Variants in RSF1 observed in about 807,000 individuals in gnomAD.
RSF1 encodes HBV pX-associated protein 8.
In RSF1, 13 loss-of-function variants were observed where a neutral mutation model predicts 145.2. That is an observed-to-expected ratio of 0.09 (90% CI 0.06 to 0.14). RSF1 has a LOEUF of 0.14. RSF1 is among the 10% of genes least tolerant of loss of function. The probability of loss-of-function intolerance (pLI) is 1.00; values close to 1 mark genes in which losing one functional copy is unlikely to be tolerated. For synonymous variants in RSF1, 577 were observed against 592.6 expected, an observed-to-expected ratio of 0.97 and a Z score of 0.38; for missense variants, 1,517 against 1,718.2, an observed-to-expected ratio of 0.88 and a Z score of 2.07.
At chr11:77,691,352 T>A in intron 8 of RSF1, 114 bp from the exon 9 acceptor site, 1 of 774,382 alleles carries the variant, frequency 1.3e-6, no homozygotes, top group Non-Finnish European at 2.2e-6. Context: ...GACCACATAG[T>A]AAGTGAACAA....
intron 4 of RSF1, among the ~76,000 whole-genome samples, chr11:77,740,268 G>C (rs1033360987): frequency 5.3e-5 from 8 of 152,218 alleles, no homozygotes; most frequent in African/African-American, 1.7e-4. Flanking sequence ...CCAGCTACTT[G>C]GGAGGCTGAG....
Position 77,702,395 on chromosome 11 carries a change from T to G in RSF1, c.834A>C (p.Lys278Asn). 6 of 1,609,840 alleles carry G rather than the reference T, an allele frequency of 3.7e-6. No homozygotes were observed. Among genetic ancestry groups the G allele is most frequent in the Non-Finnish European group, 5.1e-6 (6 of 1,179,116 alleles). ...ANVLEETTVK[K>N]EKEDEKELVK... ...CAAGTTCCTTTTCATCTTCTTTTTC[T>G]TTTTTCACAGTAGTCTCTTCTAGAA... The change falls in exon 6 of 16, where the codon AAA becomes AAC. Residue 278 changes from lysine (K) to asparagine (N), a missense_variant. This residue lies in a region of RSF1 where 207 missense variants were observed against 191.4 expected (regional missense o/e 1.08). Transcript: ENST00000308488.
chr11:77,831,142 C>G, the RSF1 span, among the ~76,000 whole-genome samples: 2 of 152,076 alleles, frequency 1.3e-5, no homozygotes, highest in East Asian at 3.9e-4. Flanking sequence ...AAGACCCTGT[C>G]TCAGAAAAAA....
At chr11:77,790,221 G>A (rs1330660810) in intron 1 of RSF1, among the ~76,000 whole-genome samples, 1 of 152,174 alleles carries the variant, frequency 6.6e-6, no homozygotes, top group African/African-American at 2.4e-5. Flanking sequence ...CATGGTAGAA[G>A]GCAAGGAGGA....
intron 1 of RSF1, among the ~76,000 whole-genome samples, chr11:77,793,397 T>C (rs868857529): frequency 2.6e-5 from 4 of 152,136 alleles, no homozygotes; most frequent in South Asian, 2.1e-4. Flanking sequence ...AGGCAGAAGA[T>C]TGCTTAAGTC....
At chr11:77,768,354 G>T (rs1450911561) in intron 1 of RSF1, among the ~76,000 whole-genome samples, 1 of 151,864 alleles carries the variant, frequency 6.6e-6, no homozygotes, top group Non-Finnish European at 1.5e-5. Flanking sequence ...GTAAAGACAG[G>T]GTTTTGCCAT....
At chr11:77,677,160 G>A (rs1473016973) in intron 12 of RSF1, 161 bp from the exon 13 acceptor site, 2 of 620,532 alleles carry the variant, frequency 3.2e-6, no homozygotes, top group Non-Finnish European at 5.6e-6. Context: ...GCTGACAGAG[G>A]TCTCAGAGTT....
At chr11:77,749,502 G>T (rs1402829892) in intron 2 of RSF1, among the ~76,000 whole-genome samples, 1 of 152,060 alleles carries the variant, frequency 6.6e-6, no homozygotes, top group Non-Finnish European at 1.5e-5. Context: ...GGTGAAAAAC[G>T]ACATAGCTCC....
chr11:77,842,574 C>A, the RSF1 span: 5 of 1,613,876 alleles, frequency 3.1e-6, no homozygotes, highest in African/African-American at 1.3e-5. Flanking sequence ...ATAAGGACTG[C>A]AAAGTATGGC....
At chr11:77,753,648 A>C (rs1016229015) in intron 2 of RSF1, among the ~76,000 whole-genome samples, 1 of 152,240 alleles carries the variant, frequency 6.6e-6, no homozygotes, top group Non-Finnish European at 1.5e-5. Context: ...GCCCCAAGGT[A>C]ACTCCTCTTC....
chr11:77,771,429 T>C (rs1261208423), intron 1 of RSF1, among the ~76,000 whole-genome samples: 1 of 152,168 alleles, frequency 6.6e-6, no homozygotes, highest in Non-Finnish European at 1.5e-5. Context: ...ATGAAAGTCC[T>C]GAGGAGGCCA....
Position 77,799,528 on chromosome 11 carries a change from G to T in RSF1, c.187+21000C>A, listed in dbSNP as rs760492975. ...CCAAAAAAAAAAAAAAAAAGCAAAG[G>T]ATATGAATAGACAATATTGTGTAAC... On this transcript the variant is annotated intron_variant, in intron 1 of 15. Coordinates refer to ENST00000308488, the MANE Select transcript of RSF1 (RefSeq NM_016578.4). Among the ~76,000 whole-genome samples, 178 of 149,626 alleles carry T rather than the reference G, an allele frequency of 1.2e-3. 1 individual carries two copies. Among genetic ancestry groups the T allele is most frequent in the Middle Eastern group, 3.5e-3 (1 of 284 alleles).
chr11:77,752,759 G>C (rs1010990154), intron 2 of RSF1, among the ~76,000 whole-genome samples: 3 of 152,152 alleles, frequency 2.0e-5, no homozygotes, highest in African/African-American at 4.8e-5. Context: ...ACATAAGACT[G>C]AGACCTACTG....
chr11:77,732,908 C>T (rs1961242718), intron 4 of RSF1, among the ~76,000 whole-genome samples: 1 of 152,182 alleles, frequency 6.6e-6, no homozygotes, highest in African/African-American at 2.4e-5. Flanking sequence ...TGGAATCAAA[C>T]AGTATGTGCT....
intron 1 of RSF1, among the ~76,000 whole-genome samples, chr11:77,783,127 C>T (rs567605974): frequency 1.3e-5 from 2 of 152,192 alleles, no homozygotes; most frequent in Non-Finnish European, 2.9e-5. Context: ...ATACAGTCTA[C>T]TATTAAATAA....
At chr11:77,846,438 G>A in the RSF1 span, among the ~76,000 whole-genome samples, 3 of 152,208 alleles carry the variant, frequency 2.0e-5, no homozygotes, top group African/African-American at 4.8e-5. Flanking sequence ...GGCCAACATG[G>A]TGAAACCCCA....
intron 1 of RSF1, among the ~76,000 whole-genome samples, chr11:77,772,284 C>G (rs754109331): frequency 1.3e-5 from 2 of 152,038 alleles, no homozygotes; most frequent in Non-Finnish European, 2.9e-5. Context: ...ATCCTTCTAC[C>G]TCAGCCTCCT....
At chr11:77,832,189 G>A in the RSF1 span, among the ~76,000 whole-genome samples, 35 of 152,058 alleles carry the variant, frequency 2.3e-4, no homozygotes, top group African/African-American at 8.0e-4. Context: ...ATAGTTAACT[G>A]TACTTACAAT....
intron 5 of RSF1, chr11:77,702,916 C>T (rs1271326637): frequency 1.3e-5 from 2 of 152,772 alleles, no homozygotes; most frequent in Non-Finnish European, 2.9e-5. Flanking sequence ...ACTGAGGTAC[C>T]AGGAACACGG....
Sources: gnomAD v4.1 joint callset for allele counts (sites outside exome capture counted in the v4.1 genomes callset) on GRCh38, gnomAD v4.1.1 for gene constraint, gnomAD v4.1.1 regional missense constraint, MANE v1.5 for transcripts, NCBI Gene and HGNC (gene_info 2026-07-23, HGNC 2026-07-21) for gene names.